UBAP2L: variants seen among roughly 807,000 people sequenced by gnomAD.
The protein encoded by UBAP2L is ubiquitin associated protein 2 like.
In UBAP2L, 12 loss-of-function variants were observed where a neutral mutation model predicts 130.6. The observed-to-expected ratio is 0.09, with a 90% CI of 0.06 to 0.15. The LOEUF is 0.15. UBAP2L is among the 10% of genes least tolerant of loss of function. The pLI, the probability that UBAP2L is intolerant of heterozygous loss-of-function variation, is 1.00. For missense variants in UBAP2L, 965 were observed against 1,332.5 expected, an observed-to-expected ratio of 0.72 and a Z score of 4.29; for synonymous variants, 503 against 524.7, an observed-to-expected ratio of 0.96 and a Z score of 0.57.
intron 7 of UBAP2L, 116 bp downstream of exon 7, chr1:154,236,727 G>A (rs954843931): frequency 1.5e-5 from 17 of 1,105,434 alleles, no homozygotes; most frequent in South Asian, 2.7e-5. Flanking sequence ...TGGGGACTTA[G>A]GGCTCATTTC....
Position 154,250,436 on chromosome 1 carries a change from T to C in UBAP2L, c.1214-605T>C, listed in dbSNP as rs149216626. Among the ~76,000 whole-genome samples, 35 of 152,304 alleles carry C rather than the reference T, an allele frequency of 2.3e-4. No homozygotes were observed. In the East Asian group the frequency reaches 6.7e-3, roughly 29 times the overall value. ...AAGATATGCCATGCCTTGTTTTTGC[T>C]TAAAGCCAGTTTCCAAGCACCTATG... On this transcript the variant is annotated intron_variant, in intron 12 of 26. Transcript: ENST00000428931.
At chr1:154,228,530 A>G (rs1386063943) in intron 3 of UBAP2L, 85 bp from the exon 4 acceptor site, 4 of 1,039,098 alleles carry the variant, frequency 3.8e-6, no homozygotes, top group East Asian at 4.9e-5. Context: ...AACTCAACTG[A>G]TAGCGTTTCC....
chr1:154,254,909 T>G lies in UBAP2L; in HGVS notation c.1909+19T>G. On this transcript the variant is annotated intron_variant, in intron 16 of 26. Transcript: ENST00000428931. ...GTTGAAGGTGAGTGTTCTTCAGGCT[T>G]TTCCCCTCCTAAGTTTCTGGTTTTC... is the stretch of plus-strand genomic sequence containing the variant. The G allele has an allele frequency of 1.3e-6, 2 of 1,592,570 alleles. No individual in the cohort carries two copies. Among genetic ancestry groups the G allele is most frequent in the Non-Finnish European group, 1.7e-6 (2 of 1,174,434 alleles).
rs371485261 is a variant in UBAP2L, at chr1:154,257,145, C to A, written c.2240C>A (p.Pro747His). The A allele has an allele frequency of 1.9e-6, 3 of 1,614,080 alleles. No individual in the cohort carries two copies. Among genetic ancestry groups the A allele is most frequent in the African/African-American group, 2.7e-5 (2 of 74,908 alleles). ...ACATCCAGCACAGTCTCTGCACCTCCCCCAGTGGTCAGTGTCTCCTCCAGT... is the reference window on the plus strand; with the variant it reads ...ACATCCAGCACAGTCTCTGCACCTCACCCAGTGGTCAGTGTCTCCTCCAGT... ...STTSSTVSAP[P>H]PVVSVSSSLN... Residue 747 changes from proline to histidine, a missense_variant, in exon 19 of 27, where the codon CCC becomes CAC. By Grantham distance (77) the Pro-to-His change is moderately conservative. Coordinates refer to ENST00000428931, the MANE Select transcript of UBAP2L (RefSeq NM_014847.4).
intron 3 of UBAP2L, 133 bp from the exon 4 acceptor site, chr1:154,228,482 C>T: frequency 1.6e-6 from 1 of 627,906 alleles, no homozygotes; most frequent in South Asian, 1.9e-5. Flanking sequence ...CCACTGTGCC[C>T]AGCCCTCATC....
At position 154,247,973 on chromosome 1, in the gene UBAP2L, T is replaced by TA. The variant is rs1173186759; in HGVS notation, c.1015-1266_1015-1265insA. ...ATTGTTTTTATTTTTTATTTATTTT[T>TA]TATTTTTTTTTGAGACAGAGTTTCA... On this transcript the variant is annotated intron_variant, in intron 11 of 26. Coordinates refer to ENST00000428931, the MANE Select transcript of UBAP2L (RefSeq NM_014847.4). Among the ~76,000 whole-genome samples, 251 of 150,528 alleles carry TA rather than the reference T, an allele frequency of 1.7e-3. 2 individuals are homozygous for TA. The highest frequency in any genetic ancestry group is 6.4e-3 in the Admixed American group (96 of 15,040).
chr1:154,245,336 A>G (rs1675063205), intron 10 of UBAP2L, among the ~76,000 whole-genome samples: 2 of 152,228 alleles, frequency 1.3e-5, no homozygotes, highest in African/African-American at 4.8e-5. Flanking sequence ...TGAGTAACAA[A>G]GGACACTATC....
At chr1:154,253,066 C>G (rs1469308184) in intron 14 of UBAP2L, among the ~76,000 whole-genome samples, 1 of 150,602 alleles carries the variant, frequency 6.6e-6, no homozygotes, top group African/African-American at 2.4e-5. Flanking sequence ...TGCAATGGCA[C>G]GATCTCAGCT....
At chr1:154,268,180 C>T (rs980407981) in intron 25 of UBAP2L, among the ~76,000 whole-genome samples, 8 of 150,986 alleles carry the variant, frequency 5.3e-5, no homozygotes, top group African/African-American at 7.3e-5. Context: ...TGGGCCACTG[C>T]GCCCAGCCTT....
chr1:154,257,013 G>GA, intron 18 of UBAP2L, 50 bp from the exon 19 acceptor site: 1 of 1,576,904 alleles, frequency 6.3e-7, no homozygotes, highest in Non-Finnish European at 8.6e-7. Flanking sequence ...CCTGACCTAT[G>GA]ATGCTGATCT....
chr1:154,253,918 T>G lies in UBAP2L; in HGVS notation c.1683T>G (p.Ile561Met), dbSNP rs772091840. 6.2e-7 allele frequency: 1 copy of G among 1,613,986 alleles called. No individual in the cohort carries two copies. Among genetic ancestry groups the G allele is most frequent in the African/African-American group, 1.3e-5 (1 of 74,908 alleles). Reference protein sequence around the residue: ...TSTASESSSTISSNQSQESGY... With the variant: ...TSTASESSSTMSSNQSQESGY... ...CTCACAGTGAATCATCCTCTACAAT[T>G]TCATCTAACCAGAGTCAGGAGTCTG... Residue 561 changes from isoleucine to methionine, a missense_variant, in exon 15 of 27, where the codon ATT becomes ATG. Ile to Met is a conservative substitution (Grantham distance 10). This residue lies in a region of UBAP2L where 393 missense variants were observed against 408.1 expected (regional missense o/e 0.96). Coordinates refer to ENST00000428931, the MANE Select transcript of UBAP2L (RefSeq NM_014847.4).
intron 24 of UBAP2L, chr1:154,263,650 G>T (rs2149053038): frequency 4.4e-6 from 2 of 454,064 alleles, no homozygotes; most frequent in East Asian, 3.2e-4. Context: ...TTATGAAGGT[G>T]GGGGGAGGGG....
chr1:154,237,806 G>A (rs924284190), intron 8 of UBAP2L, among the ~76,000 whole-genome samples: 11 of 152,186 alleles, frequency 7.2e-5, no homozygotes, highest in African/African-American at 2.7e-4. Context: ...TGACTTTGGT[G>A]CCTGCGTCTG....
At chr1:154,249,537 A>G in intron 12 of UBAP2L, 100 bp downstream of exon 12, 1 of 1,439,366 alleles carries the variant, frequency 6.9e-7, no homozygotes, top group Non-Finnish European at 9.5e-7. Flanking sequence ...TGAAGTGAAG[A>G]AAAGGGGCAG....
intron 5 of UBAP2L, 120 bp from the exon 6 acceptor site, chr1:154,235,076 T>A (rs1240266384): frequency 6.0e-6 from 4 of 668,048 alleles, no homozygotes; most frequent in African/African-American, 3.7e-5. Flanking sequence ...TTTTTTTAAT[T>A]CCCAATACCA....
intron 25 of UBAP2L, among the ~76,000 whole-genome samples, chr1:154,267,301 G>A (rs1683555126): frequency 6.6e-6 from 1 of 151,196 alleles, no homozygotes; most frequent in South Asian, 2.1e-4. Context: ...GATTACAGGT[G>A]CCCACCACCG....
At chr1:154,228,354 A>C (rs922066268) in intron 3 of UBAP2L, among the ~76,000 whole-genome samples, 2 of 151,822 alleles carry the variant, frequency 1.3e-5, no homozygotes, top group Non-Finnish European at 2.9e-5. Flanking sequence ...CACCCAGCTA[A>C]TTTTTGTATT....
intron 4 of UBAP2L, among the ~76,000 whole-genome samples, chr1:154,229,827 T>C (rs1669216439): frequency 6.6e-6 from 1 of 152,228 alleles, no homozygotes; most frequent in African/African-American, 2.4e-5. Flanking sequence ...TTGGTTGGAA[T>C]AGATATCAAA....
Position 154,255,133 on chromosome 1 carries a change from C to T in UBAP2L, c.1910-19C>T. 1 of 1,612,780 alleles carries T rather than the reference C, an allele frequency of 6.2e-7. No homozygotes were observed. The highest frequency in any genetic ancestry group is 8.5e-7 in the Non-Finnish European group (1 of 1,179,332). On this transcript the variant is annotated intron_variant, in intron 16 of 26. Coordinates refer to ENST00000428931, the MANE Select transcript of UBAP2L (RefSeq NM_014847.4). ...CCCTTTTTTCTGATGAGAGGAATTC[C>T]TTTCTTCTAAATTTCTAGGTGCTAC... is the stretch of plus-strand genomic sequence containing the variant.
Sources: gnomAD v4.1 joint callset for allele counts (sites outside exome capture counted in the v4.1 genomes callset) on GRCh38, gnomAD v4.1.1 for gene constraint, gnomAD v4.1.1 regional missense constraint, MANE v1.5 for transcripts, NCBI Gene and HGNC (gene_info 2026-07-23, HGNC 2026-07-21) for gene names.